Variants in RNF115 observed in about 807,000 individuals in gnomAD.
RNF115 encodes the protein E3 ubiquitin-protein ligase RNF115.
A neutral mutation model predicts 39.2 loss-of-function variants in RNF115; 31 were observed. That is an observed-to-expected ratio of 0.79 (90% CI 0.59 to 1.07). RNF115 has a LOEUF of 1.07. Ranked by LOEUF, RNF115 falls within the 50% of genes least tolerant of loss-of-function variation. The pLI, the probability that RNF115 is intolerant of heterozygous loss-of-function variation, is 0.00. For missense variants in RNF115, 384 were observed against 381.7 expected (o/e 1.01, Z -0.05); for synonymous variants, 124 against 131.0 (o/e 0.95, Z 0.37).
intron 3 of RNF115, among the ~76,000 whole-genome samples, chr1:145,782,538 C>T (rs587722411): frequency 6.6e-6 from 1 of 152,294 alleles, no homozygotes; most frequent in Non-Finnish European, 1.5e-5. Flanking sequence ...AGCTATGAAT[C>T]AGCAAAAATA....
At chr1:145,750,845 T>A (rs1447541621) in intron 6 of RNF115, among the ~76,000 whole-genome samples, 3 of 152,224 alleles carry the variant, frequency 2.0e-5, no homozygotes, top group African/African-American at 7.2e-5. Context: ...AAGCTTCATC[T>A]TCTGGAAGAA....
chr1:145,766,455 T>C (rs1213877871), intron 4 of RNF115, among the ~76,000 whole-genome samples: 2 of 152,136 alleles, frequency 1.3e-5, no homozygotes, highest in Non-Finnish European at 2.9e-5. Context: ...TTCCCCGCTT[T>C]CTATTCCACA....
intron 1 of RNF115, among the ~76,000 whole-genome samples, chr1:145,801,806 G>A (rs1429395080): frequency 2.0e-5 from 3 of 151,230 alleles, no homozygotes; most frequent in African/African-American, 4.9e-5. Context: ...TTTTTAAACT[G>A]AGACAGGGTC....
At chr1:145,808,477 T>G (rs942353075) in intron 1 of RNF115, among the ~76,000 whole-genome samples, 1 of 152,214 alleles carries the variant, frequency 6.6e-6, no homozygotes, top group African/African-American at 2.4e-5. Context: ...GTTGGCCATT[T>G]ATATGCCTTC....
intron 4 of RNF115, among the ~76,000 whole-genome samples, chr1:145,763,340 C>A (rs1367936343): frequency 1.3e-5 from 2 of 152,066 alleles, no homozygotes; most frequent in African/African-American, 4.8e-5. Context: ...CTTTATATAA[C>A]CAGGAAGGAG....
rs1420945515 is a variant in RNF115 at position 145,766,832 on chromosome 1, C to T, written c.428+4879G>A. Among the ~76,000 whole-genome samples, 33 of 47,102 alleles carry T rather than the reference C, an allele frequency of 7.0e-4. 1 individual carries two copies. Among genetic ancestry groups the T allele is most frequent in the African/African-American group, 2.4e-3 (29 of 12,188 alleles). 30.9% of individuals were successfully genotyped at this position (47,102 alleles called of 152,430 possible). On this transcript the variant is annotated intron_variant, in intron 4 of 8. Transcript: ENST00000582693. ...GGGGCTGACCCCCCCACCTCCCTCC[C>T]GGACGGGGCGGCTGTCCGGGCAGAG...
intron 4 of RNF115, among the ~76,000 whole-genome samples, chr1:145,757,056 G>C (rs1458936353): frequency 6.6e-6 from 1 of 151,728 alleles, no homozygotes; most frequent in East Asian, 1.9e-4. Flanking sequence ...GGCTGGTCTC[G>C]AACTTCTGAC....
chr1:145,822,113 G>T (rs1247293757), intron 1 of RNF115, among the ~76,000 whole-genome samples: 264 of 151,712 alleles, frequency 1.7e-3, no homozygotes, highest in African/African-American at 6.1e-3. Context: ...GATCACTTGA[G>T]GTCAAGAGTT....
intron 4 of RNF115, among the ~76,000 whole-genome samples, chr1:145,769,125 A>T (rs1416819216): frequency 6.6e-6 from 1 of 152,226 alleles, no homozygotes; most frequent in African/African-American, 2.4e-5. Flanking sequence ...ATTTTTTAGT[A>T]TAAGTAAACA....
chr1:145,758,142 A>G (rs1658371043), intron 4 of RNF115, among the ~76,000 whole-genome samples: 1 of 152,206 alleles, frequency 6.6e-6, no homozygotes, highest in African/African-American at 2.4e-5. Context: ...TCTTACAGAC[A>G]AAATGTAGCA....
intron 2 of RNF115, among the ~76,000 whole-genome samples, chr1:145,785,057 T>C (rs1648318634): frequency 6.6e-6 from 1 of 152,130 alleles, no homozygotes; most frequent in South Asian, 2.1e-4. Flanking sequence ...TTTAAAACAT[T>C]ATAAAAGGAT....
chr1:145,781,561 A>C (rs1648147972), intron 3 of RNF115, among the ~76,000 whole-genome samples: 1 of 152,204 alleles, frequency 6.6e-6, no homozygotes, highest in Non-Finnish European at 1.5e-5. Flanking sequence ...AAAATGTATC[A>C]AGCACTCACT....
At chr1:145,764,503 G>T (rs1234179298) in intron 4 of RNF115, among the ~76,000 whole-genome samples, 2 of 151,900 alleles carry the variant, frequency 1.3e-5, no homozygotes, top group Admixed American at 1.3e-4. Context: ...CGTCTGGGAG[G>T]TGAGGAGCCC....
At chr1:145,800,252 A>C (rs1649168627) in intron 1 of RNF115, among the ~76,000 whole-genome samples, 1 of 152,186 alleles carries the variant, frequency 6.6e-6, no homozygotes, top group Non-Finnish European at 1.5e-5. Flanking sequence ...ATATTTACTA[A>C]ACACATGATG....
chr1:145,804,052 T>A (rs1417529133), intron 1 of RNF115, among the ~76,000 whole-genome samples: 1 of 152,232 alleles, frequency 6.6e-6, no homozygotes, highest in Non-Finnish European at 1.5e-5. Flanking sequence ...TATAGATGTT[T>A]AGCTCTGATG....
At chr1:145,789,926 G>A (rs1366021249) in intron 1 of RNF115, among the ~76,000 whole-genome samples, 2 of 151,680 alleles carry the variant, frequency 1.3e-5, no homozygotes, top group African/African-American at 2.4e-5. Context: ...TCAAACTCCT[G>A]ACCTCAGGCG....
chr1:145,804,052 T>G (rs1417529133), intron 1 of RNF115, among the ~76,000 whole-genome samples: 1 of 152,232 alleles, frequency 6.6e-6, no homozygotes, highest in Non-Finnish European at 1.5e-5. Context: ...TATAGATGTT[T>G]AGCTCTGATG....
Position 145,761,261 on chromosome 1 carries a change from A to C in RNF115, c.429-8212T>G, listed in dbSNP as rs375077176. On this transcript the variant is annotated intron_variant, in intron 4 of 8. Coordinates refer to ENST00000582693, the MANE Select transcript of RNF115 (RefSeq NM_014455.4). ...CAAGCCAGCTGCAGAAATTTGCATA[A>C]GTAGCAAGGAGCCTAATGTTAATCC... 5.3e-5 allele frequency among the ~76,000 whole-genome samples: 8 copies of C among 152,364 alleles called. No individual in the cohort carries two copies. The East Asian group carries it at 1.2e-3, about 22-fold the overall frequency.
rs1657619492 is a variant in RNF115, at chr1:145,739,275, A to C, written c.*7591T>G. The C allele has an allele frequency of 6.6e-6, 1 of 152,246 alleles. No homozygotes were observed. Among genetic ancestry groups the C allele is most frequent in the African/African-American group, 2.4e-5 (1 of 41,458 alleles). The allele number at this position is 152,246 out of a possible 1,614,324, so 9.4% of individuals were successfully genotyped here. On this transcript the variant is annotated 3_prime_UTR_variant, in exon 9 of 9. Coordinates refer to ENST00000582693, the MANE Select transcript of RNF115 (RefSeq NM_014455.4). ...TATTCCTGATAGGAGGAACTACATG[A>C]ATAAAGGGGTAAGAGCACAGAAATT... is the stretch of plus-strand genomic sequence containing the variant.
Sources: gnomAD v4.1 joint callset for allele counts (sites outside exome capture counted in the v4.1 genomes callset) on GRCh38, gnomAD v4.1.1 for gene constraint, MANE v1.5 for transcripts, NCBI Gene and HGNC (gene_info 2026-07-23, HGNC 2026-07-21) for gene names.